Variants in NRG2 observed in about 807,000 individuals in gnomAD.
The protein encoded by NRG2 is pro-neuregulin-2, membrane-bound isoform.
NRG2 carries 27 observed loss-of-function variants against 73.9 expected under a neutral mutation model. The observed-to-expected ratio is 0.37, with a 90% CI of 0.27 to 0.50. The LOEUF (loss-of-function observed/expected upper bound fraction) is 0.50. Ranked by LOEUF, NRG2 falls within the 20% of genes least tolerant of loss-of-function variation. The pLI is 0.96. For synonymous variants in NRG2, 532 were observed against 541.0 expected (o/e 0.98, Z 0.23); for missense variants, 1,126 against 1,210.1 (o/e 0.93, Z 1.03).
At chr5:139,890,790 C>G (rs1486293948) in intron 1 of NRG2, among the ~76,000 whole-genome samples, 1 of 152,004 alleles carries the variant, frequency 6.6e-6, no homozygotes, top group Admixed American at 6.5e-5. Context: ...CAGGTGTGTT[C>G]CTTTATTTTT....
chr5:140,031,238 G>A (rs1761122752), intron 1 of NRG2, among the ~76,000 whole-genome samples: 1 of 152,206 alleles, frequency 6.6e-6, no homozygotes, highest in African/African-American at 2.4e-5. Context: ...GCAGGCCTAA[G>A]CAGAAAGGAA....
intron 1 of NRG2, among the ~76,000 whole-genome samples, chr5:140,028,951 C>T (rs2126684682): frequency 6.6e-6 from 1 of 152,258 alleles, no homozygotes; most frequent in South Asian, 2.1e-4. Flanking sequence ...GGTCCTTGGT[C>T]CTCAGACCCG....
At position 139,894,298 on chromosome 5, in the gene NRG2, C is replaced by T. The variant is rs1764416260; in HGVS notation, c.701-6787G>A. 6.6e-6 allele frequency among the ~76,000 whole-genome samples: 1 copy of T among 152,128 alleles called. No individual in the cohort carries two copies. Among genetic ancestry groups the T allele is most frequent in the Non-Finnish European group, 1.5e-5 (1 of 68,012 alleles). On this transcript the variant is annotated intron_variant, in intron 1 of 9. Coordinates refer to ENST00000361474, the MANE Select transcript of NRG2 (RefSeq NM_004883.3). The surrounding 1 kb of genome is among the most constrained non-coding windows in gnomAD (Gnocchi z 5.0). Reference sequence around the variant, plus strand: ...CTGAGCAGTTCCCTTTGCAGGGCAACACCTGGAGACAATGTGGCCAGCCTG... The same window carrying T: ...CTGAGCAGTTCCCTTTGCAGGGCAATACCTGGAGACAATGTGGCCAGCCTG...
chr5:139,894,039 C>T lies in NRG2; in HGVS notation c.701-6528G>A, dbSNP rs1764392537. 6.6e-6 allele frequency among the ~76,000 whole-genome samples: 1 copy of T among 152,032 alleles called. No individual in the cohort carries two copies. Among genetic ancestry groups the T allele is most frequent in the Non-Finnish European group, 1.5e-5 (1 of 68,010 alleles). ...ACAACAACCAGGACTGCTCTCTTCC[C>T]ACATCCCAGCCCTGAGACCAGGGGG... is the stretch of plus-strand genomic sequence containing the variant. On this transcript the variant is annotated intron_variant, in intron 1 of 9. Coordinates refer to ENST00000361474, the MANE Select transcript of NRG2 (RefSeq NM_004883.3). This position sits in a 1 kb window ranked among gnomAD's most constrained non-coding sequence, Gnocchi z 5.0.
intron 1 of NRG2, 105 bp downstream of exon 1, chr5:140,042,265 G>C: frequency 2.5e-5 from 1 of 40,732 alleles, no homozygotes. Flanking sequence ...CCCAGCGCCC[G>C]GACGCTGCCA....
At chr5:139,879,945 G>A (rs192310058) in intron 3 of NRG2, among the ~76,000 whole-genome samples, 135 of 152,268 alleles carry the variant, frequency 8.9e-4, no homozygotes, top group African/African-American at 2.7e-3. Context: ...GGCAGAGAGT[G>A]TTCCAAGTAG....
intron 1 of NRG2, among the ~76,000 whole-genome samples, chr5:139,961,636 T>C (rs1755071438): frequency 6.6e-6 from 1 of 152,178 alleles, no homozygotes; most frequent in Non-Finnish European, 1.5e-5. Flanking sequence ...CCTGGGGAAC[T>C]TCTCATGGGA....
chr5:139,851,622 T>C lies in NRG2; in HGVS notation c.1754A>G (p.Asp585Gly). ...PYHDSVDSLRDSPHSERYVSA... is the reference protein window; with the variant it reads ...PYHDSVDSLRGSPHSERYVSA... ...AACTGACCTCTCGCTGTGTGGGGAG[T>C]CGCGAAGGGAGTCCACGGAATCGTG... The change falls in exon 9 of 10, where the codon GAC (aspartate) becomes GGC (glycine). Residue 585 changes from aspartate to glycine, a missense_variant. Asp to Gly is a moderately conservative substitution (Grantham distance 94). Around this residue, in one of 3 missense-constraint regions of NRG2, gnomAD observed 539 missense variants for 703.2 expected, o/e 0.77. Transcript: ENST00000361474. This position sits in a 1 kb window ranked among gnomAD's most constrained non-coding sequence, Gnocchi z 4.2. 6.2e-7 allele frequency: 1 copy of C among 1,612,300 alleles called. No homozygotes were observed. The highest frequency in any genetic ancestry group is 8.5e-7 in the Non-Finnish European group (1 of 1,179,544).
intron 1 of NRG2, among the ~76,000 whole-genome samples, chr5:139,950,620 C>T (rs1412495430): frequency 1.3e-5 from 2 of 152,240 alleles, no homozygotes; most frequent in Non-Finnish European, 2.9e-5. Flanking sequence ...GCAATCACAG[C>T]TGCCGCCTTT....
chr5:139,994,222 C>T (rs759183014), intron 1 of NRG2, among the ~76,000 whole-genome samples: 47 of 152,014 alleles, frequency 3.1e-4, no homozygotes, highest in Non-Finnish European at 6.0e-4. Flanking sequence ...CTGCTTTGTT[C>T]CAAAAAAAAG....
intron 1 of NRG2, among the ~76,000 whole-genome samples, chr5:139,909,189 A>G (rs531481985): frequency 3.2e-4 from 48 of 152,380 alleles, no homozygotes; most frequent in South Asian, 1.4e-3. Flanking sequence ...CTGGCTTACA[A>G]ACTTTTTTCC....
intron 5 of NRG2, among the ~76,000 whole-genome samples, chr5:139,861,940 A>G (rs972503509): frequency 3.3e-5 from 5 of 152,186 alleles, no homozygotes; most frequent in African/African-American, 9.7e-5. Context: ...TCTGGGCCCC[A>G]CTTTCCGACG....
intron 1 of NRG2, among the ~76,000 whole-genome samples, chr5:139,999,401 A>C (rs265151): frequency 0.82 from 125,019 of 152,092 alleles, 51,730 homozygotes; most frequent in Middle Eastern, 0.88. Context: ...GACTTAGCAT[A>C]TTTTTTCAAG....
chr5:140,031,267 A>G (rs1172923195), intron 1 of NRG2, among the ~76,000 whole-genome samples: 1 of 152,216 alleles, frequency 6.6e-6, no homozygotes, highest in Non-Finnish European at 1.5e-5. Context: ...GGTGGGATGA[A>G]GTGGGAGAGG....
chr5:140,028,107 A>C (rs1760845973), intron 1 of NRG2, among the ~76,000 whole-genome samples: 1 of 152,226 alleles, frequency 6.6e-6, no homozygotes, highest in Non-Finnish European at 1.5e-5. Context: ...GTGATGTAGG[A>C]TTCTAGATTG....
intron 1 of NRG2, among the ~76,000 whole-genome samples, chr5:140,032,021 C>G (rs960005638): frequency 1.3e-5 from 2 of 152,136 alleles, no homozygotes; most frequent in East Asian, 3.8e-4. Context: ...AAAACAAAAA[C>G]CAGTGATCAA....
At chr5:139,885,334 G>C (rs1763793929) in intron 2 of NRG2, among the ~76,000 whole-genome samples, 1 of 152,230 alleles carries the variant, frequency 6.6e-6, no homozygotes, top group Non-Finnish European at 1.5e-5. Flanking sequence ...AGGGCCCGGG[G>C]AGCAGGTATT....
intron 1 of NRG2, among the ~76,000 whole-genome samples, chr5:140,002,562 A>T (rs943061344): frequency 6.6e-6 from 1 of 152,242 alleles, no homozygotes; most frequent in Non-Finnish European, 1.5e-5. Flanking sequence ...AGAAAATAAC[A>T]GTAAGGGCCA....
At chr5:139,925,019 C>T (rs552558973) in intron 1 of NRG2, among the ~76,000 whole-genome samples, 4 of 152,060 alleles carry the variant, frequency 2.6e-5, no homozygotes, top group Non-Finnish European at 5.9e-5. Context: ...CACACGAAGC[C>T]TGGGAGTAGC....
Sources: gnomAD v4.1 joint callset for allele counts (sites outside exome capture counted in the v4.1 genomes callset) on GRCh38, gnomAD v4.1.1 for gene constraint, gnomAD v4.1.1 regional missense constraint, Gnocchi (gnomAD v3.1) non-coding constraint, MANE v1.5 for transcripts, NCBI Gene and HGNC (gene_info 2026-07-23, HGNC 2026-07-21) for gene names.